CIMAP2: variants seen among roughly 807,000 people sequenced by gnomAD.
CIMAP2 encodes ciliary microtubule associated protein 2.
the CIMAP2 span, among the ~76,000 whole-genome samples, chr1:54,839,225 T>G: frequency 2.0e-4 from 30 of 151,786 alleles, no homozygotes; most frequent in East Asian, 4.1e-3. Context: ...CCATTTTGAG[T>G]GATGTGTGGG....
chr1:54,811,779 A>ACCCCCCCCCCCCCCCCC, the CIMAP2 span: 5 of 286,568 alleles, frequency 1.7e-5, no homozygotes, highest in Non-Finnish European at 2.8e-5. Context: ...CCATGCCCCC[A>ACCCCCCCCCCCCCCCCC]CCCCCGCCCC....
At chr1:54,811,765 G>GCGGGGGGGGGGGGCCCCCCCCC in the CIMAP2 span, 6 of 1,301,316 alleles carry the variant, frequency 4.6e-6, no homozygotes, top group Non-Finnish European at 6.5e-6. Context: ...GGTTCTGACA[G>GCGGGGGGGGGGGGCCCCCCCCC]CCTCCATGCC....
the CIMAP2 span, among the ~76,000 whole-genome samples, chr1:54,811,629 C>T: frequency 4.6e-5 from 7 of 151,972 alleles, no homozygotes; most frequent in Admixed American, 3.3e-4. Flanking sequence ...CAGTGGTGGA[C>T]GCTCACGGGC....
the CIMAP2 span, among the ~76,000 whole-genome samples, chr1:54,834,709 C>T: frequency 6.6e-6 from 1 of 152,274 alleles, no homozygotes; most frequent in East Asian, 1.9e-4. Flanking sequence ...ATGCCGTATA[C>T]ACACAGCCTA....
At chr1:54,829,041 T>C in the CIMAP2 span, among the ~76,000 whole-genome samples, 2 of 152,216 alleles carry the variant, frequency 1.3e-5, no homozygotes, top group East Asian at 1.9e-4. Context: ...AAACATAATA[T>C]GGAGGACTAA....
the CIMAP2 span, among the ~76,000 whole-genome samples, chr1:54,825,952 T>G: frequency 5.1e-4 from 78 of 152,074 alleles, no homozygotes; most frequent in Non-Finnish European, 5.9e-4. Flanking sequence ...GATGCATGCA[T>G]GGGCAGTGGG....
At chr1:54,811,013 C>T in the CIMAP2 span, among the ~76,000 whole-genome samples, 39 of 152,338 alleles carry the variant, frequency 2.6e-4, no homozygotes, top group Non-Finnish European at 4.4e-4. Flanking sequence ...GTGGGCTCCT[C>T]GCTGCTCCCC....
At chr1:54,811,765 G>GCGGGGCGGGGGGGGGCGCCCCCCCCCCCC in the CIMAP2 span, 1 of 1,301,332 alleles carries the variant, frequency 7.7e-7, no homozygotes, top group Non-Finnish European at 1.1e-6. Flanking sequence ...GGTTCTGACA[G>GCGGGGCGGGGGGGGGCGCCCCCCCCCCCC]CCTCCATGCC....
At chr1:54,811,765 G>GCCGGGGGGGGGCCGCCCCCCCC in the CIMAP2 span, 1 of 1,301,330 alleles carries the variant, frequency 7.7e-7, no homozygotes, top group Non-Finnish European at 1.1e-6. Context: ...GGTTCTGACA[G>GCCGGGGGGGGGCCGCCCCCCCC]CCTCCATGCC....
chr1:54,816,665 G>A, the CIMAP2 span, among the ~76,000 whole-genome samples: 10 of 152,072 alleles, frequency 6.6e-5, no homozygotes, highest in Admixed American at 3.9e-4. Context: ...GCTTGTAGTC[G>A]TCACTCCAGC....
chr1:54,819,394 G>C, the CIMAP2 span, among the ~76,000 whole-genome samples: 1 of 152,164 alleles, frequency 6.6e-6, no homozygotes, highest in Non-Finnish European at 1.5e-5. Flanking sequence ...GTCTAGATGG[G>C]ATCTCATTCT....
chr1:54,811,764 A>T, the CIMAP2 span: 1 of 1,097,914 alleles, frequency 9.1e-7, no homozygotes, highest in East Asian at 2.9e-5. Context: ...TGGTTCTGAC[A>T]GCCTCCATGC....
chr1:54,814,004 T>C, the CIMAP2 span: 1 of 1,554,134 alleles, frequency 6.4e-7, no homozygotes, highest in South Asian at 1.2e-5. Flanking sequence ...CCGGCCTTCC[T>C]CTCTCGGAGG....
At chr1:54,807,683 G>A in the CIMAP2 span, 64 of 1,594,870 alleles carry the variant, frequency 4.0e-5, no homozygotes, top group Admixed American at 3.9e-4. Flanking sequence ...AAAGAGAAGC[G>A]GCTGAAGGTG....
the CIMAP2 span, chr1:54,814,910 G>A: frequency 1.6e-5 from 26 of 1,613,944 alleles, no homozygotes; most frequent in Middle Eastern, 1.7e-4. Flanking sequence ...TTCCTTACTC[G>A]TAGGCCACAT....
chr1:54,813,117 C>T, the CIMAP2 span, among the ~76,000 whole-genome samples: 884 of 151,392 alleles, frequency 5.8e-3, 10 homozygotes, highest in South Asian at 0.037. Context: ...GCCCAGGCCA[C>T]GCTGTTTGCT....
the CIMAP2 span, among the ~76,000 whole-genome samples, chr1:54,833,478 A>G: frequency 6.6e-6 from 1 of 152,150 alleles, no homozygotes; most frequent in African/African-American, 2.4e-5. Context: ...GCTACAGCTA[A>G]TCTTTCTCAC....
chr1:54,807,352 G>A, the CIMAP2 span, among the ~76,000 whole-genome samples: 1 of 152,142 alleles, frequency 6.6e-6, no homozygotes, highest in African/African-American at 2.4e-5. Flanking sequence ...AGGATGTCAC[G>A]ATTGCACCTT....
chr1:54,821,301 C>T, the CIMAP2 span, among the ~76,000 whole-genome samples: 1 of 152,028 alleles, frequency 6.6e-6, no homozygotes, highest in Admixed American at 6.6e-5. Flanking sequence ...AAGTTGTTGC[C>T]TAGACCAGTG....
Sources: gnomAD v4.1 joint callset for allele counts (sites outside exome capture counted in the v4.1 genomes callset) on GRCh38, gnomAD v4.1.1 for gene constraint, MANE v1.5 for transcripts, NCBI Gene and HGNC (gene_info 2026-07-23, HGNC 2026-07-21) for gene names.